SRGAP3: variants seen among roughly 807,000 people sequenced by gnomAD.
SRGAP3 encodes the protein SLIT-ROBO Rho GTPase-activating protein 3.
A neutral mutation model predicts 121.1 loss-of-function variants in SRGAP3; 39 were observed. That is an observed-to-expected ratio of 0.32 (90% confidence interval 0.25 to 0.42). SRGAP3 has a LOEUF of 0.42. Among genes scored for constraint, SRGAP3 ranks in the 10% least tolerant of loss-of-function variants. The pLI, the probability that SRGAP3 is intolerant of heterozygous loss-of-function variation, is 1.00. For missense variants in SRGAP3, 1,213 were observed against 1,470.6 expected (o/e 0.82, Z 2.86); for synonymous variants, 601 against 570.0 (o/e 1.05, Z -0.77).
chr3:8,991,580 A>C (rs961785012), intron 20 of SRGAP3, among the ~76,000 whole-genome samples: 6 of 152,104 alleles, frequency 3.9e-5, no homozygotes, highest in Non-Finnish European at 7.3e-5. Flanking sequence ...CCACTTTATT[A>C]ATCTGTGAAG....
intron 1 of SRGAP3, chr3:9,217,256 T>C (rs1389308372): frequency 2.0e-5 from 3 of 152,222 alleles, no homozygotes; most frequent in African/African-American, 7.2e-5. Context: ...CCTTAAATTA[T>C]ACCCCAGCCC....
chr3:9,167,361 T>C (rs994911812), intron 1 of SRGAP3, among the ~76,000 whole-genome samples: 2 of 152,212 alleles, frequency 1.3e-5, no homozygotes, highest in African/African-American at 4.8e-5. Flanking sequence ...TCTCCATTGC[T>C]AGTTCCCTTC....
At chr3:9,089,124 C>G (rs1189597800) in intron 3 of SRGAP3, among the ~76,000 whole-genome samples, 1 of 152,072 alleles carries the variant, frequency 6.6e-6, no homozygotes, top group Non-Finnish European at 1.5e-5. Flanking sequence ...CTGAATGAGA[C>G]ACGGTCCCTG....
At chr3:9,186,247 A>G (rs959985382) in intron 1 of SRGAP3, among the ~76,000 whole-genome samples, 11 of 152,134 alleles carry the variant, frequency 7.2e-5, no homozygotes, top group African/African-American at 2.7e-4. Flanking sequence ...CTTAACCTCC[A>G]GGGAAGCCTT....
chr3:9,217,973 G>A (rs894334906), intron 1 of SRGAP3: 1 of 152,174 alleles, frequency 6.6e-6, no homozygotes, highest in Non-Finnish European at 1.5e-5. Context: ...TACAGCTTCG[G>A]CTTTACAAAC....
rs146341974 is a variant in SRGAP3 at position 9,124,581 on chromosome 3, G to GT, written c.260+143dup. 1,889 of 1,023,690 alleles carry GT rather than the reference G, an allele frequency of 1.8e-3. 20 individuals carry two copies. The African/African-American group carries it at 0.025, about 13-fold the overall frequency. The allele number at this position is 1,023,690 out of a possible 1,614,324, so 63.4% of individuals were successfully genotyped here. On this transcript the variant is annotated intron_variant, in intron 2 of 21. Transcript: ENST00000383836. ...ATGAGGAAGACTGAGGCTTGGAGGT[G>GT]TAAGTAACCTGCAGAGCCAGGGCCC... is the stretch of plus-strand genomic sequence containing the variant.
chr3:9,220,170 C>T (rs1952764523), intron 1 of SRGAP3, among the ~76,000 whole-genome samples: 1 of 151,986 alleles, frequency 6.6e-6, no homozygotes. Context: ...TTCATAGTAG[C>T]TAGGAGAGAA....
rs61439625 is a variant in SRGAP3 at position 8,983,941 on chromosome 3, G to A, written c.*1578C>T. On this transcript the variant is annotated 3_prime_UTR_variant, in exon 22 of 22. Transcript: ENST00000383836. The stretch of plus-strand genomic sequence containing the variant: ...TGGGAACAGTAGGGAAAAGCCCCTG[G>A]GTCTCGCAGGAGAGGGTAAGTAACA... The A allele has an allele frequency of 2.6e-3, 594 of 229,884 alleles. 4 individuals are homozygous for A. The highest frequency in any genetic ancestry group is 0.013 in the African/African-American group (572 of 45,236). 14.2% of individuals were successfully genotyped at this position (229,884 alleles called of 1,614,324 possible).
intron 2 of SRGAP3, among the ~76,000 whole-genome samples, chr3:9,122,890 C>T (rs913666721): frequency 2.6e-5 from 4 of 152,028 alleles, no homozygotes; most frequent in Admixed American, 6.6e-5. Flanking sequence ...AGCTCCCTGG[C>T]CAGAGTGGAA....
intron 1 of SRGAP3, among the ~76,000 whole-genome samples, chr3:9,196,983 A>T (rs148992842): frequency 6.6e-6 from 1 of 152,242 alleles, no homozygotes; most frequent in African/African-American, 2.4e-5. Flanking sequence ...TCTAAAACAC[A>T]CCTCTCCAAA....
At chr3:9,164,276 T>TTTTATTTA (rs111936459) in intron 1 of SRGAP3, among the ~76,000 whole-genome samples, 1,893 of 140,840 alleles carry the variant, frequency 0.013, 22 homozygotes, top group East Asian at 0.016. Context: ...ACCCAGACTA[T>TTTTATTTA]TTTATTTATT....
chr3:9,042,950 C>T (rs1945091369), intron 10 of SRGAP3, among the ~76,000 whole-genome samples: 1 of 152,082 alleles, frequency 6.6e-6, no homozygotes, highest in Non-Finnish European at 1.5e-5. Context: ...TCCCCTCTTC[C>T]CCAAAAACTC....
At chr3:8,994,139 G>A in intron 19 of SRGAP3, 2 of 697,660 alleles carry the variant, frequency 2.9e-6, no homozygotes, top group South Asian at 3.5e-5. Context: ...GTTTCTGTGT[G>A]CTCAGAAGGA....
At chr3:9,279,809 G>A (rs767270938) in intron 3 of SRGAP3, among the ~76,000 whole-genome samples, 11 of 152,006 alleles carry the variant, frequency 7.2e-5, no homozygotes, top group East Asian at 1.9e-4. Flanking sequence ...CACTGCACCC[G>A]ACCACAAACA....
chr3:9,063,744 C>T (rs946825413), intron 5 of SRGAP3, among the ~76,000 whole-genome samples: 1 of 152,172 alleles, frequency 6.6e-6, no homozygotes, highest in Admixed American at 6.5e-5. Context: ...GAATTTGCCA[C>T]TCCTATCAGA....
intron 1 of SRGAP3, among the ~76,000 whole-genome samples, chr3:9,336,170 C>T (rs971119504): frequency 1.3e-5 from 2 of 152,006 alleles, no homozygotes; most frequent in African/African-American, 4.8e-5. Flanking sequence ...TAATTCAATG[C>T]TTTTCAGAAC....
chr3:9,142,509 T>C (rs950688969), intron 1 of SRGAP3, among the ~76,000 whole-genome samples: 3 of 152,242 alleles, frequency 2.0e-5, no homozygotes, highest in Non-Finnish European at 4.4e-5. Flanking sequence ...TTTAATGCAA[T>C]GTGAAACTCT....
intron 1 of SRGAP3, among the ~76,000 whole-genome samples, chr3:9,172,088 CTTTTCTT>C (rs1560333489): frequency 3.5e-4 from 49 of 140,828 alleles, no homozygotes; most frequent in Admixed American, 6.4e-4. Flanking sequence ...ATGACTTTTT[CTTTTCTT>C]TTTTTTTTTT....
intron 3 of SRGAP3, among the ~76,000 whole-genome samples, chr3:9,257,710 T>A (rs2125254474): frequency 7.6e-6 from 1 of 131,308 alleles, no homozygotes; most frequent in Non-Finnish European, 1.6e-5. Flanking sequence ...TTTTTTTTTT[T>A]TTTTTTTTTT....
Sources: allele counts gnomAD v4.1 joint callset (sites outside exome capture counted in the v4.1 genomes callset), GRCh38; gene constraint gnomAD v4.1.1; transcripts MANE v1.5; gene names NCBI Gene and HGNC (gene_info 2026-07-23, HGNC 2026-07-21).